The following ESF1 variants were observed in gnomAD, a reference collection of about 807,000 sequenced individuals.
ESF1 encodes ESF1 homolog.
In ESF1, 58 loss-of-function variants were observed where a neutral mutation model predicts 92.0. That is an observed-to-expected ratio of 0.63 (90% CI 0.51 to 0.78). The LOEUF is 0.78. Ranked by LOEUF, ESF1 falls within the 30% of genes least tolerant of loss-of-function variation. The pLI is 0.00. For missense variants in ESF1, 922 were observed against 989.1 expected (o/e 0.93, Z 0.91); for synonymous variants, 321 against 313.7 (o/e 1.02, Z -0.24).
In ESF1 at chr20:13,784,905, G is replaced by T; in HGVS notation, c.-69C>A. ...CGTCCGCAGTCCTACCAAGCCTCAC[G>T]TGGGGCTCACACCCACAATCCTCCG... On this transcript the variant is annotated 5_prime_UTR_variant, in exon 1 of 14. Coordinates refer to ENST00000617257, the MANE Select transcript of ESF1 (RefSeq NM_001276380.2). The T allele has an allele frequency of 7.7e-6, 5 of 648,872 alleles. No individual in the cohort carries two copies. Among genetic ancestry groups the T allele is most frequent in the Non-Finnish European group, 1.3e-5 (5 of 376,078 alleles). 40.2% of individuals were successfully genotyped at this position (648,872 alleles called of 1,614,324 possible).
rs866836188 is a variant in ESF1, at chr20:13,773,961, G to C, written c.1149+1196C>G. 6.4e-4 allele frequency among the ~76,000 whole-genome samples: 97 copies of C among 152,126 alleles called. 1 individual carries two copies. Among genetic ancestry groups the C allele is most frequent in the African/African-American group, 2.2e-3 (92 of 41,492 alleles). ...ATACAAAAAATTAGCCGGGCGTGGTGGTGGGCGCCTGTAGTCCCAGCTACT... is the reference window on the plus strand; with the variant it reads ...ATACAAAAAATTAGCCGGGCGTGGTCGTGGGCGCCTGTAGTCCCAGCTACT... On this transcript the variant is annotated intron_variant, in intron 4 of 13. Transcript: ENST00000617257.
intron 11 of ESF1, among the ~76,000 whole-genome samples, chr20:13,725,127 A>G (rs576802637): frequency 6.6e-6 from 1 of 152,294 alleles, no homozygotes; most frequent in South Asian, 2.1e-4. Flanking sequence ...TGCCCCCTCC[A>G]GTGACCTGTT....
At chr20:13,743,755 G>A (rs2050030270) in intron 9 of ESF1, among the ~76,000 whole-genome samples, 1 of 152,164 alleles carries the variant, frequency 6.6e-6, no homozygotes, top group South Asian at 2.1e-4. Context: ...CAAAAAATAG[G>A]AATGTTCAGT....
chr20:13,758,190 G>A (rs1366916293), intron 9 of ESF1, among the ~76,000 whole-genome samples: 2 of 152,000 alleles, frequency 1.3e-5, no homozygotes. Flanking sequence ...TTATCCACTG[G>A]CAGTACTGCT....
chr20:13,784,903 A>T lies in ESF1; in HGVS notation c.-67T>A. On this transcript the variant is annotated 5_prime_UTR_variant, in exon 1 of 14. Coordinates refer to ENST00000617257, the MANE Select transcript of ESF1 (RefSeq NM_001276380.2). ...ACCGTCCGCAGTCCTACCAAGCCTC[A>T]CGTGGGGCTCACACCCACAATCCTC... The T allele has an allele frequency of 1.6e-6, 1 of 644,400 alleles. No individual in the cohort carries two copies. Among genetic ancestry groups the T allele is most frequent in the Non-Finnish European group, 2.7e-6 (1 of 372,386 alleles). 39.9% of individuals were successfully genotyped at this position (644,400 alleles called of 1,614,324 possible).
chr20:13,778,463 A>AT (rs5840579), intron 2 of ESF1, among the ~76,000 whole-genome samples: 136,554 of 151,912 alleles, frequency 0.9, 61,488 homozygotes, highest in East Asian at 0.99. Flanking sequence ...TTTGAATATC[A>AT]TTTTTTTATT....
rs1006890965 is a variant in ESF1, at chr20:13,771,502, A to G, written c.1251-19T>C. ...AGACGTCCTAAAGTGGGAAAAACTT[A>G]TTAAGCATACTTATACAGAAACACA... On this transcript the variant is annotated intron_variant, in intron 5 of 13. Coordinates refer to ENST00000617257, the MANE Select transcript of ESF1 (RefSeq NM_001276380.2). 4 of 1,601,710 alleles carry G rather than the reference A, an allele frequency of 2.5e-6. No individual in the cohort carries two copies. The African/African-American group carries it at 5.4e-5, about 22-fold the overall frequency.
rs563584266 is a variant in ESF1 at position 13,770,100 on chromosome 20, T to C, written c.1404-79A>G. The C allele has an allele frequency of 2.3e-5, 18 of 785,778 alleles. No homozygotes were observed. The East Asian group carries it at 3.9e-4, about 17-fold the overall frequency. The allele number at this position is 785,778 out of a possible 1,614,324, so 48.7% of individuals were successfully genotyped here. On this transcript the variant is annotated intron_variant, in intron 6 of 13. Coordinates refer to ENST00000617257, the MANE Select transcript of ESF1 (RefSeq NM_001276380.2). ...GTTTAGATTCTCATCTAATTAGTTG[T>C]AGTTTATACATACACAAACTTTCTA...
chr20:13,784,863 A>G lies in ESF1; in HGVS notation c.-44+17T>C. 5.0e-6 allele frequency: 3 copies of G among 599,108 alleles called. No individual in the cohort carries two copies. The South Asian group carries it at 6.0e-5, about 12-fold the overall frequency. 37.1% of individuals were successfully genotyped at this position (599,108 alleles called of 1,614,324 possible). A position where few individuals can be genotyped will look rare whatever the true frequency, so the allele number is the denominator to read the frequency against. ...CCTTCATCTCGAGCTCTTCAACTCCAGTCCATCCCCACTCACCGTCCGCAG... is the reference window on the plus strand; with the variant it reads ...CCTTCATCTCGAGCTCTTCAACTCCGGTCCATCCCCACTCACCGTCCGCAG... On this transcript the variant is annotated intron_variant, in intron 1 of 13. Transcript: ENST00000617257.
At chr20:13,742,969 T>A (rs2147742440) in intron 9 of ESF1, among the ~76,000 whole-genome samples, 1 of 152,316 alleles carries the variant, frequency 6.6e-6, no homozygotes, top group Non-Finnish European at 1.5e-5. Flanking sequence ...TATGTGGTCT[T>A]GTTGACCATC....
At chr20:13,725,799 C>A (rs2049897358) in intron 11 of ESF1, among the ~76,000 whole-genome samples, 1 of 152,198 alleles carries the variant, frequency 6.6e-6, no homozygotes, top group Admixed American at 6.5e-5. Flanking sequence ...ACTCTGATTT[C>A]TCTGCTCATC....
chr20:13,716,830 T>A (rs2049830985), intron 13 of ESF1, among the ~76,000 whole-genome samples: 1 of 77,614 alleles, frequency 1.3e-5, no homozygotes, highest in Non-Finnish European at 2.7e-5. Context: ...TTTTTTTTTT[T>A]TTTTTTAGAC....
intron 12 of ESF1, among the ~76,000 whole-genome samples, chr20:13,718,332 C>T (rs1385740304): frequency 2.0e-5 from 3 of 152,166 alleles, no homozygotes; most frequent in Non-Finnish European, 4.4e-5. Flanking sequence ...AACATCAGCC[C>T]TAGGGGCACT....
chr20:13,733,108 T>C (rs1048939537), intron 10 of ESF1, among the ~76,000 whole-genome samples: 5 of 151,906 alleles, frequency 3.3e-5, no homozygotes, highest in Admixed American at 3.3e-4. Flanking sequence ...GCATTTTTAG[T>C]AGAGGCAGGG....
chr20:13,756,771 T>C (rs1978916973), intron 9 of ESF1, among the ~76,000 whole-genome samples: 1 of 152,196 alleles, frequency 6.6e-6, no homozygotes, highest in African/African-American at 2.4e-5. Flanking sequence ...GCCTGAATGC[T>C]AGGCATCAGC....
intron 2 of ESF1, among the ~76,000 whole-genome samples, chr20:13,781,245 G>A (rs1206819934): frequency 1.3e-5 from 2 of 152,066 alleles, no homozygotes; most frequent in African/African-American, 2.4e-5. Flanking sequence ...CTTGAAATGC[G>A]TTTTGTCTAA....
chr20:13,769,770 A>C (rs1979595690), intron 7 of ESF1, 137 bp downstream of exon 7: 3 of 662,160 alleles, frequency 4.5e-6, no homozygotes, highest in African/African-American at 1.8e-5. Context: ...TGGGTGAGAG[A>C]GCGAGACTCT....
chr20:13,776,794 TTAAA>T (rs1329586286), intron 2 of ESF1, among the ~76,000 whole-genome samples: 1 of 152,072 alleles, frequency 6.6e-6, no homozygotes, highest in East Asian at 1.9e-4. Flanking sequence ...TGAACAGGAG[TTAAA>T]TAGTCAAAGT....
intron 1 of ESF1, among the ~76,000 whole-genome samples, chr20:13,784,558 C>G (rs1344082170): frequency 6.6e-6 from 1 of 152,120 alleles, no homozygotes; most frequent in Non-Finnish European, 1.5e-5. Context: ...ACTCCCGACA[C>G]GCGCCCGCAT....
Sources: gnomAD v4.1 joint callset for allele counts (sites outside exome capture counted in the v4.1 genomes callset) on GRCh38, gnomAD v4.1.1 for gene constraint, MANE v1.5 for transcripts, NCBI Gene and HGNC (gene_info 2026-07-23, HGNC 2026-07-21) for gene names.